The following RAB28 variants were observed in gnomAD, a reference collection of about 807,000 sequenced individuals.
RAB28 encodes the protein ras-related protein Rab-28.
Under a neutral mutation model 31.7 loss-of-function variants are expected in RAB28, and 24 were observed. That is an observed-to-expected ratio of 0.76 (90% CI 0.55 to 1.06). The LOEUF (loss-of-function observed/expected upper bound fraction) is 1.06. Among genes scored for constraint, RAB28 ranks in the 50% least tolerant of loss-of-function variants. The pLI, the probability that RAB28 is intolerant of heterozygous loss-of-function variation, is 0.00. For missense variants in RAB28, 254 were observed against 258.5 expected, an observed-to-expected ratio of 0.98 and a Z score of 0.12; for synonymous variants, 100 against 90.4, an observed-to-expected ratio of 1.11 and a Z score of -0.60.
chr4:13,459,637 A>G (rs10033449), intron 4 of RAB28: 20,912 of 544,462 alleles, frequency 0.038, 1,275 homozygotes, highest in African/African-American at 0.22. Context: ...TAACAAACCC[A>G]TAATTTTTAC....
At chr4:13,389,302 G>A (rs1234274442) in intron 4 of RAB28, among the ~76,000 whole-genome samples, 1 of 152,036 alleles carries the variant, frequency 6.6e-6, no homozygotes, top group Non-Finnish European at 1.5e-5. Context: ...AGGGGATGTA[G>A]GCAGAGGAAA....
intron 4 of RAB28, among the ~76,000 whole-genome samples, chr4:13,415,801 C>T (rs1712741417): frequency 6.6e-6 from 1 of 152,236 alleles, no homozygotes; most frequent in South Asian, 2.1e-4. Context: ...GCAGCTCCAC[C>T]TGCAGCCCCA....
intron 4 of RAB28, among the ~76,000 whole-genome samples, chr4:13,424,030 G>C (rs970636030): frequency 1.3e-5 from 2 of 152,012 alleles, no homozygotes; most frequent in African/African-American, 2.4e-5. Context: ...GTTAAAAATA[G>C]GCTAAAAACA....
At chr4:13,414,076 T>G (rs1712609831) in intron 4 of RAB28, among the ~76,000 whole-genome samples, 1 of 152,082 alleles carries the variant, frequency 6.6e-6, no homozygotes, top group Non-Finnish European at 1.5e-5. Flanking sequence ...AAGCAAAGAT[T>G]CCAGAGCCCC....
At chr4:13,397,701 T>C (rs900681717) in intron 4 of RAB28, among the ~76,000 whole-genome samples, 1 of 152,140 alleles carries the variant, frequency 6.6e-6, no homozygotes, top group Non-Finnish European at 1.5e-5. Flanking sequence ...CAAATCATAC[T>C]CTTGTGACCT....
chr4:13,420,493 A>C (rs1183081981), intron 4 of RAB28, among the ~76,000 whole-genome samples: 2 of 152,222 alleles, frequency 1.3e-5, no homozygotes, highest in African/African-American at 4.8e-5. Flanking sequence ...ATGAACATCC[A>C]CGTGAAAATC....
At chr4:13,479,905 G>A (rs935693515) in intron 1 of RAB28, among the ~76,000 whole-genome samples, 1 of 151,616 alleles carries the variant, frequency 6.6e-6, no homozygotes, top group Non-Finnish European at 1.5e-5. Context: ...CAGCTTCTGA[G>A]GTTAAATATT....
chr4:13,394,748 A>G (rs564781129), intron 4 of RAB28, among the ~76,000 whole-genome samples: 2 of 152,326 alleles, frequency 1.3e-5, no homozygotes, highest in Non-Finnish European at 2.9e-5. Flanking sequence ...ATGGAAAACC[A>G]TTGTAAGGTT....
chr4:13,454,482 A>T (rs570134170), intron 4 of RAB28, among the ~76,000 whole-genome samples: 1 of 152,342 alleles, frequency 6.6e-6, no homozygotes, highest in East Asian at 1.9e-4. Context: ...GGAGTAGGAT[A>T]AGAAGAGACT....
At chr4:13,411,524 A>G (rs191494408) in intron 4 of RAB28, among the ~76,000 whole-genome samples, 6 of 152,312 alleles carry the variant, frequency 3.9e-5, no homozygotes, top group Non-Finnish European at 8.8e-5. Context: ...GTAAAAATCA[A>G]AAGTACAAGC....
intron 4 of RAB28, among the ~76,000 whole-genome samples, chr4:13,387,562 G>A (rs1250208206): frequency 2.0e-5 from 3 of 152,000 alleles, no homozygotes; most frequent in Non-Finnish European, 4.4e-5. Context: ...AAGCAATGCT[G>A]AAGTATGAGA....
chr4:13,417,244 T>C (rs1213918469), intron 4 of RAB28, among the ~76,000 whole-genome samples: 1 of 152,172 alleles, frequency 6.6e-6, no homozygotes, highest in Non-Finnish European at 1.5e-5. Flanking sequence ...AAGCTCAAAC[T>C]GGGTGAAGCC....
intron 4 of RAB28, 90 bp from the exon 5 acceptor site, chr4:13,381,684 T>C (rs1315605046): frequency 1.1e-6 from 1 of 907,364 alleles, no homozygotes; most frequent in East Asian, 2.7e-5. Flanking sequence ...CTTTCCAATA[T>C]TATATTCCAG....
intron 4 of RAB28, among the ~76,000 whole-genome samples, chr4:13,418,801 T>C (rs1712947959): frequency 6.6e-6 from 1 of 152,058 alleles, no homozygotes; most frequent in African/African-American, 2.4e-5. Context: ...CAAAAACATG[T>C]CAAATTGTAA....
intron 4 of RAB28, among the ~76,000 whole-genome samples, chr4:13,454,928 G>A (rs1715215856): frequency 6.6e-6 from 1 of 152,194 alleles, no homozygotes; most frequent in South Asian, 2.1e-4. Flanking sequence ...TGGGACAGGT[G>A]CACACAGCTG....
intron 4 of RAB28, among the ~76,000 whole-genome samples, chr4:13,410,413 G>T (rs1359291826): frequency 6.6e-6 from 1 of 151,976 alleles, no homozygotes; most frequent in East Asian, 1.9e-4. Flanking sequence ...CCTGATTGCC[G>T]GTATGTTACC....
intron 6 of RAB28, chr4:13,370,606 G>C: frequency 6.1e-6 from 6 of 980,904 alleles, no homozygotes; most frequent in Non-Finnish European, 7.3e-6. Context: ...GAGGAATGAA[G>C]ACATCAGAGG....
intron 4 of RAB28, among the ~76,000 whole-genome samples, chr4:13,413,679 TAAGAA>T (rs1351969843): frequency 1.3e-5 from 2 of 151,884 alleles, no homozygotes; most frequent in Non-Finnish European, 2.9e-5. Flanking sequence ...TAGTAATAAA[TAAGAA>T]AAGAAGAGAT....
intron 4 of RAB28, among the ~76,000 whole-genome samples, chr4:13,391,894 G>A (rs574857739): frequency 9.0e-4 from 137 of 151,980 alleles, no homozygotes; most frequent in Middle Eastern, 3.4e-3. Context: ...ATCACACACC[G>A]GGGCCTGTCG....
Sources: gnomAD v4.1 joint callset for allele counts (sites outside exome capture counted in the v4.1 genomes callset) on GRCh38, gnomAD v4.1.1 for gene constraint, MANE v1.5 for transcripts, NCBI Gene and HGNC (gene_info 2026-07-23, HGNC 2026-07-21) for gene names.